The following CDC26 variants were observed in gnomAD, a reference collection of about 807,000 sequenced individuals.
CDC26 encodes the protein cell division cycle 26.
Under a neutral mutation model 8.0 loss-of-function variants are expected in CDC26, and 2 were observed. The observed-to-expected ratio is 0.25, with a 90% CI of 0.10 to 0.79. CDC26 has a LOEUF of 0.79. Among genes scored for constraint, CDC26 ranks in the 30% least tolerant of loss-of-function variants. The pLI is 0.70. For missense variants in CDC26, 68 were observed against 106.0 expected (o/e 0.64, Z 1.57); for synonymous variants, 19 against 34.9 (o/e 0.55, Z 1.60).
At chr9:113,268,210 AATTT>A (rs1342235750) in intron 3 of CDC26, among the ~76,000 whole-genome samples, 2 of 152,182 alleles carry the variant, frequency 1.3e-5, no homozygotes, top group African/African-American at 2.4e-5. Context: ...CATTTCAACA[AATTT>A]ATTATTCTAG....
At position 113,268,461 on chromosome 9, in the gene CDC26, C is replaced by T. The variant is rs377696847; in HGVS notation, c.82-1022G>A. 1.2e-4 allele frequency among the ~76,000 whole-genome samples: 18 copies of T among 152,346 alleles called. No homozygotes were observed. In the East Asian group the frequency reaches 2.1e-3, roughly 18 times the overall value. ...TCAAAAACAGACACTTATCCCATAA[C>T]AGCCACTACCTGACTGTAAGGATAA... On this transcript the variant is annotated intron_variant, in intron 3 of 3. Transcript: ENST00000374206.
Position 113,270,489 on chromosome 9 carries a change from T to C in CDC26, c.81+1938A>G, listed in dbSNP as rs933244849. Among the ~76,000 whole-genome samples the C allele has an allele frequency of 5.3e-5, 8 of 152,148 alleles. No homozygotes were observed. The South Asian group carries it at 6.2e-4, about 12-fold the overall frequency. On this transcript the variant is annotated intron_variant, in intron 3 of 3. Coordinates refer to ENST00000374206, the MANE Select transcript of CDC26 (RefSeq NM_139286.4). ...GTAAATGATTTTACAATAAAAAAAATTGTAAATTATAATAAATGCTATGAA... is the reference window on the plus strand; with the variant it reads ...GTAAATGATTTTACAATAAAAAAAACTGTAAATTATAATAAATGCTATGAA...
chr9:113,269,761 G>A (rs1038802978), intron 3 of CDC26, among the ~76,000 whole-genome samples: 4 of 152,176 alleles, frequency 2.6e-5, no homozygotes, highest in African/African-American at 4.8e-5. Flanking sequence ...CAAAAATTAC[G>A]ATACTTAGAG....
intron 3 of CDC26, among the ~76,000 whole-genome samples, chr9:113,271,687 G>A (rs974213959): frequency 6.6e-6 from 1 of 152,194 alleles, no homozygotes; most frequent in African/African-American, 2.4e-5. Context: ...TGTCTTAAGC[G>A]ATGAAGTTTG....
chr9:113,270,894 T>C (rs1831945931), intron 3 of CDC26, among the ~76,000 whole-genome samples: 1 of 152,182 alleles, frequency 6.6e-6, no homozygotes, highest in Admixed American at 6.5e-5. Context: ...TGACAGGATT[T>C]GAAAATTTCT....
intron 3 of CDC26, among the ~76,000 whole-genome samples, chr9:113,268,044 A>G (rs1161254063): frequency 1.3e-5 from 2 of 152,142 alleles, no homozygotes; most frequent in Non-Finnish European, 2.9e-5. Context: ...ATAGGGAAAC[A>G]GGCAAACAGA....
chr9:113,269,238 A>G (rs1831915395), intron 3 of CDC26, among the ~76,000 whole-genome samples: 1 of 152,176 alleles, frequency 6.6e-6, no homozygotes, highest in Non-Finnish European at 1.5e-5. Flanking sequence ...AAAAATAAAA[A>G]AAAAAAATAA....
At chr9:113,270,190 G>T (rs1386523999) in intron 3 of CDC26, among the ~76,000 whole-genome samples, 1 of 152,196 alleles carries the variant, frequency 6.6e-6, no homozygotes, top group East Asian at 1.9e-4. Context: ...CTGGCAAAGG[G>T]AACACTGTGT....
intron 3 of CDC26, among the ~76,000 whole-genome samples, chr9:113,271,290 C>G (rs1205778282): frequency 1.3e-5 from 2 of 151,912 alleles, no homozygotes; most frequent in Non-Finnish European, 1.5e-5. Flanking sequence ...AAAAATGGCC[C>G]CCAAAGCTAG....
intron 3 of CDC26, among the ~76,000 whole-genome samples, chr9:113,270,618 G>A (rs373091626): frequency 3.3e-5 from 5 of 152,334 alleles, no homozygotes; most frequent in Admixed American, 3.3e-4. Flanking sequence ...AAATTGAAGA[G>A]TTGACATTTG....
At position 113,272,571 on chromosome 9, in the gene CDC26, G is replaced by A. The variant is rs1831975675; in HGVS notation, c.-41-23C>T. 19 of 1,217,426 alleles carry A rather than the reference G, an allele frequency of 1.6e-5. No homozygotes were observed. The South Asian group carries it at 1.7e-4, about 11-fold the overall frequency. The allele number at this position is 1,217,426 out of a possible 1,614,324, so 75.4% of individuals were successfully genotyped here. ...TAGCTGTTAAAAATGAAAGAGAGGA[G>A]GAAAATCTGAAGGTGATAAAGTCTC... is the stretch of plus-strand genomic sequence containing the variant. On this transcript the variant is annotated intron_variant, in intron 2 of 3. Transcript: ENST00000374206.
At chr9:113,271,393 T>C (rs546007552) in intron 3 of CDC26, among the ~76,000 whole-genome samples, 1 of 152,270 alleles carries the variant, frequency 6.6e-6, no homozygotes. Flanking sequence ...GGGGGGATTA[T>C]CCTGGGTTAG....
intron 3 of CDC26, among the ~76,000 whole-genome samples, chr9:113,267,985 T>TA (rs927789007): frequency 1.3e-5 from 2 of 151,316 alleles, no homozygotes; most frequent in Non-Finnish European, 3.0e-5. Context: ...GACTCTGTCT[T>TA]AAAAAAAACA....
intron 1 of CDC26, among the ~76,000 whole-genome samples, chr9:113,273,818 A>C (rs1831999574): frequency 1.7e-5 from 2 of 115,766 alleles, no homozygotes; most frequent in African/African-American, 3.8e-5. Context: ...TGAGACCCCA[A>C]CTCAAAAAAA....
chr9:113,274,003 A>G (rs1432725347), intron 1 of CDC26, among the ~76,000 whole-genome samples: 2 of 152,108 alleles, frequency 1.3e-5, no homozygotes, highest in Non-Finnish European at 2.9e-5. Context: ...CATCCCCTAG[A>G]GTGTATCTAT....
Position 113,272,503 on chromosome 9 carries a change from A to G in CDC26, c.5T>C (p.Leu2Pro), listed in dbSNP as rs755012783. The G allele has an allele frequency of 1.2e-6, 2 of 1,610,044 alleles. No individual in the cohort carries two copies. Among genetic ancestry groups the G allele is most frequent in the Non-Finnish European group, 1.7e-6 (2 of 1,176,398 alleles). The change falls in exon 3 of 4, where the codon CTG becomes CCG. Residue 2 changes from leucine (L) to proline (P), a missense_variant. Leu to Pro is a moderately conservative substitution (Grantham distance 98). Transcript: ENST00000374206. The part of the protein sequence containing the change: M[L>P]RRKPTRLELK... Reference sequence around the variant, plus strand: ...CTCTAGGCGTGTTGGTTTCCGTCTCAGCATACTGAAGTCAACACTAAGGGC... The same window carrying G: ...CTCTAGGCGTGTTGGTTTCCGTCTCGGCATACTGAAGTCAACACTAAGGGC...
chr9:113,273,470 T>C (rs1439975658), intron 1 of CDC26, 32 bp from the exon 2 acceptor site: 2 of 152,190 alleles, frequency 1.3e-5, no homozygotes, highest in Non-Finnish European at 2.9e-5. Context: ...AACTGTGATA[T>C]CATGTAATGA....
intron 3 of CDC26, among the ~76,000 whole-genome samples, chr9:113,269,968 T>C (rs1271824392): frequency 6.6e-6 from 1 of 152,200 alleles, no homozygotes; most frequent in Non-Finnish European, 1.5e-5. Flanking sequence ...GGACCTGGTA[T>C]TGCAGGGAAC....
At chr9:113,273,891 A>C (rs1444689181) in intron 1 of CDC26, among the ~76,000 whole-genome samples, 1 of 150,774 alleles carries the variant, frequency 6.6e-6, no homozygotes, top group Non-Finnish European at 1.5e-5. Context: ...AGGTAATACT[A>C]TGTTAACAAA....
Sources: allele counts gnomAD v4.1 joint callset (sites outside exome capture counted in the v4.1 genomes callset), GRCh38; gene constraint gnomAD v4.1.1; transcripts MANE v1.5; gene names NCBI Gene and HGNC (gene_info 2026-07-23, HGNC 2026-07-21).